VEZT: variants seen among roughly 807,000 people sequenced by gnomAD.
The protein encoded by VEZT is vezatin, adherens junctions transmembrane protein.
VEZT carries 39 observed loss-of-function variants against 79.9 expected under a neutral mutation model. The observed-to-expected ratio is 0.49, with a 90% confidence interval of 0.38 to 0.64. The LOEUF is 0.64. Ranked by LOEUF, VEZT falls within the 30% of genes least tolerant of loss-of-function variation. The pLI, the probability that VEZT is intolerant of heterozygous loss-of-function variation, is 0.00. For missense variants in VEZT, 837 were observed against 893.1 expected (o/e 0.94, Z 0.80); for synonymous variants, 325 against 327.6 (o/e 0.99, Z 0.09).
intron 4 of VEZT, 51 bp from the exon 5 acceptor site, chr12:95,266,306 C>T: frequency 6.6e-7 from 1 of 1,515,876 alleles, no homozygotes; most frequent in South Asian, 1.3e-5. Context: ...AGTAATTCAT[C>T]TTTCTTTCTC....
chr12:95,267,186 A>C (rs1313979227), intron 5 of VEZT, among the ~76,000 whole-genome samples: 1 of 152,228 alleles, frequency 6.6e-6, no homozygotes, highest in Non-Finnish European at 1.5e-5. Context: ...AAGCTGTAGG[A>C]TATATTGACT....
Position 95,268,664 on chromosome 12 carries a change from T to G in VEZT, c.711-1387T>G, listed in dbSNP as rs922649297. Among the ~76,000 whole-genome samples, 7 of 152,176 alleles carry G rather than the reference T, an allele frequency of 4.6e-5. No homozygotes were observed. In the East Asian group the frequency reaches 1.3e-3, roughly 29 times the overall value. On this transcript the variant is annotated intron_variant, in intron 5 of 11. Coordinates refer to ENST00000436874, the MANE Select transcript of VEZT (RefSeq NM_017599.4). ...ATGGAATTTGCACGAAGAGGTAAAG[T>G]GGGCCAGTTAGACATGATTTACCTT...
At chr12:95,227,409 C>T (rs1378924054) in intron 1 of VEZT, among the ~76,000 whole-genome samples, 2 of 148,654 alleles carry the variant, frequency 1.3e-5, no homozygotes, top group Non-Finnish European at 3.0e-5. Context: ...GGCGTGATCT[C>T]GGGTCACTGC....
At chr12:95,264,442 T>C (rs1169089055) in intron 4 of VEZT, among the ~76,000 whole-genome samples, 1 of 152,130 alleles carries the variant, frequency 6.6e-6, no homozygotes, top group African/African-American at 2.4e-5. Context: ...AAATATTTAT[T>C]TATTTACTTA....
Position 95,300,236 on chromosome 12 carries a change from G to A in VEZT, c.1903G>A (p.Asp635Asn). The part of the protein sequence containing the change: ...ISNSEPSMNS[D>N]MGKVSKNDTE... The stretch of plus-strand genomic sequence containing the variant: ...TAATTCAGAACCATCAATGAATTCA[G>A]ATATGGGAAAAGTCAGTAAAAATGA... Residue 635 changes from aspartate to asparagine, a missense_variant, in exon 12 of 12, where the codon GAT (aspartate) becomes AAT (asparagine). Transcript: ENST00000436874. 2 of 1,568,858 alleles carry A rather than the reference G, an allele frequency of 1.3e-6. No individual in the cohort carries two copies. The highest frequency in any genetic ancestry group is 2.3e-5 in the South Asian group (2 of 85,128).
chr12:95,231,623 A>G (rs7300715), intron 1 of VEZT: 239 of 152,308 alleles, frequency 1.6e-3, no homozygotes, highest in African/African-American at 3.8e-3. Flanking sequence ...ATTAGATTTT[A>G]CTTTGCTGAT....
intron 1 of VEZT, among the ~76,000 whole-genome samples, chr12:95,243,601 A>G (rs532214736): frequency 4.6e-5 from 7 of 152,212 alleles, no homozygotes; most frequent in African/African-American, 9.6e-5. Flanking sequence ...ATCAGTATGT[A>G]TCTCTAACAG....
At chr12:95,287,160 T>C (rs1006823552) in intron 8 of VEZT, among the ~76,000 whole-genome samples, 2 of 152,228 alleles carry the variant, frequency 1.3e-5, no homozygotes, top group Admixed American at 6.5e-5. Context: ...TAATACTCTT[T>C]ATAAGCTTTT....
At chr12:95,286,387 T>C in intron 8 of VEZT, 1 of 501,432 alleles carries the variant, frequency 2.0e-6, no homozygotes, top group Non-Finnish European at 3.9e-6. Flanking sequence ...CATATTTGCC[T>C]TTTGTGCCAG....
chr12:95,258,325 A>G (rs2063796951), intron 3 of VEZT: 1 of 455,228 alleles, frequency 2.2e-6, no homozygotes, highest in Non-Finnish European at 4.4e-6. Context: ...TGATTTAGTC[A>G]TAGTCTGCCT....
chr12:95,268,322 C>T (rs930677135), intron 5 of VEZT, among the ~76,000 whole-genome samples: 1 of 151,850 alleles, frequency 6.6e-6, no homozygotes, highest in Admixed American at 6.6e-5. Context: ...GGTGAAACCC[C>T]GTCTCTACTA....
chr12:95,269,468 CA>C (rs1320555116), intron 5 of VEZT, among the ~76,000 whole-genome samples: 3 of 152,112 alleles, frequency 2.0e-5, no homozygotes, highest in African/African-American at 7.2e-5. Flanking sequence ...CCAGTGGCAG[CA>C]GGTGGGTAAG....
intron 2 of VEZT, among the ~76,000 whole-genome samples, chr12:95,254,014 CCT>C (rs898396201): frequency 5.9e-5 from 9 of 152,040 alleles, no homozygotes; most frequent in Admixed American, 3.9e-4. Context: ...AGGGTCTTCC[CCT>C]GTCACCCAGG....
At position 95,217,906 on chromosome 12, in the gene VEZT, G is replaced by A; in HGVS notation, c.36+20G>A. On this transcript the variant is annotated intron_variant, in intron 1 of 11. Coordinates refer to ENST00000436874, the MANE Select transcript of VEZT (RefSeq NM_017599.4). Reference sequence around the variant, plus strand: ...TTTGAGGTAAGAGGAAAATGGCGGTGGGTGTGGATTGCCTTTGTTTGAGAA... The same window carrying A: ...TTTGAGGTAAGAGGAAAATGGCGGTAGGTGTGGATTGCCTTTGTTTGAGAA... 1 of 1,500,456 alleles carries A rather than the reference G, an allele frequency of 6.7e-7. No individual in the cohort carries two copies. The highest frequency in any genetic ancestry group is 8.9e-7 in the Non-Finnish European group (1 of 1,127,198). 92.9% of individuals were successfully genotyped at this position (1,500,456 alleles called of 1,614,324 possible). A position where few individuals can be genotyped will look rare whatever the true frequency, so the allele number is the denominator to read the frequency against.
chr12:95,272,357 T>A (rs1053014806), intron 6 of VEZT, among the ~76,000 whole-genome samples: 1 of 152,140 alleles, frequency 6.6e-6, no homozygotes, highest in African/African-American at 2.4e-5. Flanking sequence ...GAGAAAGATC[T>A]GGGGGAAGAG....
At chr12:95,248,580 G>T (rs1157301641) in intron 1 of VEZT, among the ~76,000 whole-genome samples, 1 of 152,152 alleles carries the variant, frequency 6.6e-6, no homozygotes, top group Non-Finnish European at 1.5e-5. Flanking sequence ...TATCTGTACA[G>T]TAAAAAAGGG....
In VEZT at chr12:95,300,264, C is replaced by G. The variant is rs1414557780; in HGVS notation, c.1931C>G (p.Thr644Ser). 5.7e-6 allele frequency: 9 copies of G among 1,589,078 alleles called. No individual in the cohort carries two copies. In the South Asian group the frequency reaches 1.0e-4, roughly 18 times the overall value. ...SDMGKVSKND[T>S]EEESNKSATT... Reference sequence around the variant, plus strand: ...ATGGGAAAAGTCAGTAAAAATGATACTGAAGAGGAAAGTAATAAATCCGCC... The same window carrying G: ...ATGGGAAAAGTCAGTAAAAATGATAGTGAAGAGGAAAGTAATAAATCCGCC... Residue 644 changes from threonine to serine, a missense_variant, in exon 12 of 12, where the codon ACT (threonine) becomes AGT (serine). Thr to Ser is a moderately conservative substitution (Grantham distance 58). Transcript: ENST00000436874.
intron 3 of VEZT, among the ~76,000 whole-genome samples, chr12:95,257,897 A>T (rs966574102): frequency 6.6e-6 from 1 of 152,170 alleles, no homozygotes; most frequent in African/African-American, 2.4e-5. Flanking sequence ...TTGATTTGGT[A>T]ATCTAAACAA....
chr12:95,268,823 A>G (rs2066047541), intron 5 of VEZT, among the ~76,000 whole-genome samples: 1 of 152,232 alleles, frequency 6.6e-6, no homozygotes, highest in Admixed American at 6.5e-5. Context: ...AATTTTTTAG[A>G]CATTTTCAAA....
Sources: gnomAD v4.1 joint callset for allele counts (sites outside exome capture counted in the v4.1 genomes callset) on GRCh38, gnomAD v4.1.1 for gene constraint, MANE v1.5 for transcripts, NCBI Gene and HGNC (gene_info 2026-07-23, HGNC 2026-07-21) for gene names.